Variants in TMEM266 observed in about 807,000 individuals in gnomAD.
TMEM266 encodes the protein Hv1 related protein 1.
In TMEM266, 33 loss-of-function variants were observed where a neutral mutation model predicts 50.5. The ratio of observed to expected loss-of-function variants is 0.65; its 90% confidence interval spans 0.50 to 0.87. The LOEUF (loss-of-function observed/expected upper bound fraction) is 0.87. TMEM266 is among the 40% of genes least tolerant of loss of function. The probability of loss-of-function intolerance (pLI) is 0.00; values close to 1 mark genes in which losing one functional copy is unlikely to be tolerated. For synonymous variants in TMEM266, 310 were observed against 292.3 expected (o/e 1.06, Z -0.62); for missense variants, 655 against 695.1 (o/e 0.94, Z 0.65).
chr15:76,170,333 C>T (rs923815054), intron 6 of TMEM266, among the ~76,000 whole-genome samples: 9 of 152,156 alleles, frequency 5.9e-5, no homozygotes, highest in South Asian at 4.1e-4. Context: ...CAAGGCAAGG[C>T]GGCCAGATCT....
At chr15:76,071,251 C>T (rs555730397) in intron 1 of TMEM266, among the ~76,000 whole-genome samples, 7 of 152,224 alleles carry the variant, frequency 4.6e-5, no homozygotes, top group African/African-American at 1.7e-4. Context: ...CATGGGATGT[C>T]GAATGGGATA....
intron 10 of TMEM266, among the ~76,000 whole-genome samples, chr15:76,202,837 C>G (rs1347650427): frequency 6.6e-6 from 1 of 152,166 alleles, no homozygotes; most frequent in Non-Finnish European, 1.5e-5. Context: ...TCGCAGCCCC[C>G]AAAACCTTGT....
At chr15:76,061,836 A>T (rs971757901) in intron 1 of TMEM266, among the ~76,000 whole-genome samples, 2 of 152,124 alleles carry the variant, frequency 1.3e-5, no homozygotes, top group Non-Finnish European at 2.9e-5. Flanking sequence ...GCTGCCCTTC[A>T]CACTATCTTC....
intron 6 of TMEM266, 33 bp downstream of exon 6, chr15:76,169,905 C>T (rs759224230): frequency 1.9e-6 from 3 of 1,599,542 alleles, no homozygotes; most frequent in Admixed American, 1.7e-5. Flanking sequence ...AAAGCCCCCA[C>T]TCTGCCATCC....
intron 8 of TMEM266, among the ~76,000 whole-genome samples, chr15:76,189,341 GA>G (rs1275235685): frequency 3.5e-5 from 5 of 144,270 alleles, no homozygotes; most frequent in Non-Finnish European, 7.4e-5. Context: ...AGGGAGCAGA[GA>G]AAGAAGGAGG....
rs952257681 is a variant in TMEM266 at position 76,100,964 on chromosome 15, A to C, written c.-96-33204A>C. Among the ~76,000 whole-genome samples the C allele has an allele frequency of 4.0e-5, 6 of 150,854 alleles. No homozygotes were observed. The South Asian group carries it at 1.3e-3, about 31-fold the overall frequency. On this transcript the variant is annotated intron_variant, in intron 1 of 10. Coordinates refer to ENST00000388942, the MANE Select transcript of TMEM266 (RefSeq NM_152335.3). ...TTAGGTTTTTAAGTAGTTTTTCCTC[A>C]TCATCAAAGCAATATGTGTTCAATG... is the stretch of plus-strand genomic sequence containing the variant.
chr15:76,171,657 G>T (rs2038190646), intron 7 of TMEM266, among the ~76,000 whole-genome samples: 1 of 152,224 alleles, frequency 6.6e-6, no homozygotes, highest in Non-Finnish European at 1.5e-5. Flanking sequence ...GGAGCTGCTG[G>T]CAGGGGCTGG....
intron 1 of TMEM266, among the ~76,000 whole-genome samples, chr15:76,122,830 C>T (rs1302499890): frequency 6.6e-6 from 1 of 152,084 alleles, no homozygotes; most frequent in African/African-American, 2.4e-5. Flanking sequence ...CAAGTGGATC[C>T]TTTGTCTCAG....
At chr15:76,181,086 C>T (rs1365223633) in intron 8 of TMEM266, 1 of 152,208 alleles carries the variant, frequency 6.6e-6, no homozygotes, top group Admixed American at 6.5e-5. Context: ...CCAGAATCAC[C>T]TTATATAACA....
chr15:76,182,534 C>T (rs907800795), intron 8 of TMEM266, among the ~76,000 whole-genome samples: 1 of 151,880 alleles, frequency 6.6e-6, no homozygotes, highest in Non-Finnish European at 1.5e-5. Context: ...GTCCCAGCTA[C>T]TCAGGAGGCT....
intron 1 of TMEM266, among the ~76,000 whole-genome samples, chr15:76,079,283 G>A (rs1322455290): frequency 6.6e-6 from 1 of 150,618 alleles, no homozygotes; most frequent in Non-Finnish European, 1.5e-5. Context: ...AACCCCAGAG[G>A]CAGAGGTTGC....
intron 6 of TMEM266, among the ~76,000 whole-genome samples, chr15:76,170,517 G>T (rs1394345756): frequency 6.6e-6 from 1 of 151,672 alleles, no homozygotes; most frequent in Non-Finnish European, 1.5e-5. Context: ...CATTGTGCAG[G>T]CTGGGCCCAC....
chr15:76,133,024 T>A (rs2037535710), intron 1 of TMEM266, among the ~76,000 whole-genome samples: 1 of 151,278 alleles, frequency 6.6e-6, no homozygotes, highest in South Asian at 2.1e-4. Context: ...TAATCCCAGC[T>A]GAGGCTTAGG....
At chr15:76,087,958 G>C (rs1326009091) in intron 1 of TMEM266, among the ~76,000 whole-genome samples, 1 of 152,134 alleles carries the variant, frequency 6.6e-6, no homozygotes, top group Non-Finnish European at 1.5e-5. Flanking sequence ...CAGATCCAGT[G>C]ATCTATTCAC....
chr15:76,126,106 G>T (rs1229365402), intron 1 of TMEM266, among the ~76,000 whole-genome samples: 1 of 151,882 alleles, frequency 6.6e-6, no homozygotes, highest in Non-Finnish European at 1.5e-5. Context: ...TGTGTATTGT[G>T]GTAGGAATGT....
intron 9 of TMEM266, among the ~76,000 whole-genome samples, chr15:76,201,158 C>T (rs1456159377): frequency 6.6e-6 from 1 of 152,148 alleles, no homozygotes; most frequent in African/African-American, 2.4e-5. Flanking sequence ...TCTGACCCCA[C>T]CCTGGGCATT....
At position 76,160,210 on chromosome 15, in the gene TMEM266, A is replaced by T; in HGVS notation, c.456+42A>T. On this transcript the variant is annotated intron_variant, in intron 5 of 10. Transcript: ENST00000388942. This position sits in a 1 kb window ranked among gnomAD's most constrained non-coding sequence, Gnocchi z 5.7. ...GCCCTGTCACCTCCTCTGTTGGGTG[A>T]CTCCTGTCCTGGGGAAACCAAGGTC... is the stretch of plus-strand genomic sequence containing the variant. 3.2e-6 allele frequency: 5 copies of T among 1,579,124 alleles called. No individual in the cohort carries two copies. The highest frequency in any genetic ancestry group is 4.4e-6 in the Non-Finnish European group (5 of 1,149,270).
Position 76,161,208 on chromosome 15 carries a change from C to T in TMEM266, c.456+1040C>T, listed in dbSNP as rs927801462. On this transcript the variant is annotated intron_variant, in intron 5 of 10. Transcript: ENST00000388942. This position sits in a 1 kb window ranked among gnomAD's most constrained non-coding sequence, Gnocchi z 4.1. ...AAGTCCCGTGGGCCTTTCAGCATGGCTCAGGAAACCCTCAGGGAAAGGCAG... is the reference window on the plus strand; with the variant it reads ...AAGTCCCGTGGGCCTTTCAGCATGGTTCAGGAAACCCTCAGGGAAAGGCAG... Among the ~76,000 whole-genome samples, 2 of 152,154 alleles carry T rather than the reference C, an allele frequency of 1.3e-5. No individual in the cohort carries two copies. The highest frequency in any genetic ancestry group is 4.8e-5 in the African/African-American group (2 of 41,440).
chr15:76,132,462 C>T (rs978513403), intron 1 of TMEM266, among the ~76,000 whole-genome samples: 8 of 152,010 alleles, frequency 5.3e-5, no homozygotes, highest in Non-Finnish European at 1.2e-4. Context: ...TTGGAATATA[C>T]TCAGGTTCAA....
Sources: gnomAD v4.1 joint callset for allele counts (sites outside exome capture counted in the v4.1 genomes callset) on GRCh38, gnomAD v4.1.1 for gene constraint, Gnocchi (gnomAD v3.1) non-coding constraint, MANE v1.5 for transcripts, NCBI Gene and HGNC (gene_info 2026-07-23, HGNC 2026-07-21) for gene names.